The following RSRP1 variants were observed in gnomAD, a reference collection of about 807,000 sequenced individuals.
The protein encoded by RSRP1 is arginine and serine rich protein 1.
A neutral mutation model predicts 33.0 loss-of-function variants in RSRP1; 37 were observed. That is an observed-to-expected ratio of 1.12 (90% CI 0.86 to 1.48). The LOEUF is 1.48. Among genes scored for constraint, RSRP1 ranks in the 40% most tolerant of loss-of-function variants. The pLI is 0.00. For missense variants in RSRP1, 402 were observed against 385.3 expected (o/e 1.04, Z -0.36); for synonymous variants, 167 against 158.7 (o/e 1.05, Z -0.40).
At chr1:25,274,898 T>G (rs1283039187) in intron 1 of RSRP1, among the ~76,000 whole-genome samples, 1 of 130,780 alleles carries the variant, frequency 7.6e-6, no homozygotes, top group African/African-American at 2.6e-5. Flanking sequence ...TCCGAGCTAC[T>G]TGGGAGGCCA....
Position 25,284,677 on chromosome 1 carries a change from G to C in RSRP1, c.-66-37648C>G, listed in dbSNP as rs1219340100. On this transcript the variant is annotated intron_variant, in intron 1 of 1. Coordinates refer to the RSRP1 transcript ENST00000561867. ...TGTGGCCTTCAACCTCTTCATGCTGGCGCTTGGTGTGCAGTGGGCAATCCT... is the reference window on the plus strand; with the variant it reads ...TGTGGCCTTCAACCTCTTCATGCTGCCGCTTGGTGTGCAGTGGGCAATCCT... 6.5e-6 allele frequency: 9 copies of C among 1,388,932 alleles called. 1 individual carries two copies. Among genetic ancestry groups the C allele is most frequent in the Non-Finnish European group, 7.1e-6 (7 of 985,620 alleles). 86.0% of individuals were successfully genotyped at this position (1,388,932 alleles called of 1,614,324 possible).
At chr1:25,284,589 C>G in intron 1 of RSRP1, 1 of 1,389,306 alleles carries the variant, frequency 7.2e-7, no homozygotes, top group South Asian at 1.2e-5. Context: ...AAGATCTGAC[C>G]GTGATGGCGG....
Position 25,300,933 on chromosome 1 carries a change from G to A in RSRP1, c.-67+37045C>T. On this transcript the variant is annotated intron_variant, in intron 1 of 1. Transcript: ENST00000561867. Reference sequence around the variant, plus strand: ...ATGCCGACACTCACTGCTCTTACTGGGTTTTATTGCAGACAGACTACCACA... The same window carrying A: ...ATGCCGACACTCACTGCTCTTACTGAGTTTTATTGCAGACAGACTACCACA... 2 of 1,377,146 alleles carry A rather than the reference G, an allele frequency of 1.5e-6. 1 individual carries two copies. The highest frequency in any genetic ancestry group is 2.0e-6 in the Non-Finnish European group (2 of 977,470). The allele number at this position is 1,377,146 out of a possible 1,614,324, so 85.3% of individuals were successfully genotyped here. A position where few individuals can be genotyped will look rare whatever the true frequency, so the allele number is the denominator to read the frequency against.
chr1:25,292,908 G>A (rs978463109), intron 1 of RSRP1, among the ~76,000 whole-genome samples: 1 of 120,800 alleles, frequency 8.3e-6, no homozygotes, highest in Admixed American at 8.2e-5. Context: ...GCCAGCAAAG[G>A]AGACAGAATT....
chr1:25,298,069 T>C (rs1304301008), intron 1 of RSRP1, among the ~76,000 whole-genome samples: 2 of 122,338 alleles, frequency 1.6e-5, no homozygotes, highest in African/African-American at 5.5e-5. Context: ...TGCATTTCTA[T>C]GTCCCAGATC....
At chr1:25,262,314 T>A (rs1469722225) in intron 1 of RSRP1, among the ~76,000 whole-genome samples, 2 of 152,172 alleles carry the variant, frequency 1.3e-5, no homozygotes, top group African/African-American at 4.8e-5. Context: ...AGTGCCAACT[T>A]TGAGCCTAAG....
intron 1 of RSRP1, chr1:25,272,576 G>C (rs768456998): frequency 1.3e-6 from 2 of 1,583,350 alleles, no homozygotes; most frequent in East Asian, 4.5e-5. Flanking sequence ...CGGTCTGTCC[G>C]GCGCTGCCTG....
In RSRP1 at chr1:25,298,774, A is replaced by C. The variant is rs1170712759; in HGVS notation, c.-67+39204T>G. Among the ~76,000 whole-genome samples the C allele has an allele frequency of 1.5e-5, 2 of 131,590 alleles. 1 individual carries two copies. The highest frequency in any genetic ancestry group is 3.6e-5 in the Non-Finnish European group (2 of 55,930). 86.3% of individuals were successfully genotyped at this position (131,590 alleles called of 152,430 possible). A position where few individuals can be genotyped will look rare whatever the true frequency, so the allele number is the denominator to read the frequency against. On this transcript the variant is annotated intron_variant, in intron 1 of 1. Coordinates refer to the RSRP1 transcript ENST00000561867. ...TCATGGAACGTCTGTTCCAGAAGGA[A>C]AGACTGCCAATAAACAATAAAATAG...
intron 1 of RSRP1, chr1:25,330,436 T>C (rs1307693791): frequency 2.2e-5 from 3 of 133,492 alleles, no homozygotes; most frequent in Admixed American, 2.2e-4. Context: ...ATGAACAAGC[T>C]AACAAACTAC....
At position 25,316,680 on chromosome 1, in the gene RSRP1, G is replaced by C. The variant is rs545720494; in HGVS notation, c.-67+21298C>G. Among the ~76,000 whole-genome samples the C allele has an allele frequency of 1.9e-4, 24 of 125,616 alleles. 6 individuals are homozygous for C. The South Asian group carries it at 6.0e-3, about 31-fold the overall frequency. The allele number at this position is 125,616 out of a possible 152,430, so 82.4% of individuals were successfully genotyped here. ...GAGGCTCTGAGAGGTTGAGGGACTTGCCCAGGGTCTTGCAGCTAGTAAGTG... is the reference window on the plus strand; with the variant it reads ...GAGGCTCTGAGAGGTTGAGGGACTTCCCCAGGGTCTTGCAGCTAGTAAGTG... On this transcript the variant is annotated intron_variant, in intron 1 of 1. Transcript: ENST00000561867.
intron 1 of RSRP1, among the ~76,000 whole-genome samples, chr1:25,254,322 T>C (rs1361864524): frequency 6.6e-6 from 1 of 152,202 alleles, no homozygotes; most frequent in African/African-American, 2.4e-5. Flanking sequence ...ATTTAACACA[T>C]CTGTTCCCTG....
chr1:25,290,680 C>A, intron 1 of RSRP1: 1 of 1,378,454 alleles, frequency 7.3e-7, no homozygotes, highest in Non-Finnish European at 1.0e-6. Context: ...CGGTGCTGAT[C>A]TCAGTGGATG....
Position 25,296,074 on chromosome 1 carries a change from G to A in RSRP1, c.-67+41904C>T, listed in dbSNP as rs1642931528. Among the ~76,000 whole-genome samples the A allele has an allele frequency of 1.8e-5, 2 of 111,896 alleles. 1 individual carries two copies. Among genetic ancestry groups the A allele is most frequent in the Non-Finnish European group, 4.3e-5 (2 of 47,050 alleles). The allele number at this position is 111,896 out of a possible 152,430, so 73.4% of individuals were successfully genotyped here. The stretch of plus-strand genomic sequence containing the variant: ...GACGGAGTTTTGCCATGTTGGCCAG[G>A]CTGGTCTCAAACTCCTGACCTCAGG... On this transcript the variant is annotated intron_variant, in intron 1 of 1. Coordinates refer to the RSRP1 transcript ENST00000561867.
At chr1:25,328,878 TG>T (rs745442054) in intron 1 of RSRP1, 2 of 1,133,234 alleles carry the variant, frequency 1.8e-6, no homozygotes, top group Non-Finnish European at 2.6e-6. Flanking sequence ...GCAATAAAAA[TG>T]TTTGTTTTGC....
Position 25,300,810 on chromosome 1 carries a change from G to A in RSRP1, c.-67+37168C>T, listed in dbSNP as rs116374581. On this transcript the variant is annotated intron_variant, in intron 1 of 1. Transcript: ENST00000561867. ...GGCAGAGCCTGCTGGGTTGGGCTGG[G>A]TAAGCTCTGAACACCAGTCTCATGG... The A allele has an allele frequency of 3.1e-3, 3,180 of 1,021,852 alleles. 459 individuals carry two copies. The African/African-American group carries it at 0.043, about 14-fold the overall frequency. The allele number at this position is 1,021,852 out of a possible 1,614,324, so 63.3% of individuals were successfully genotyped here. A position where few individuals can be genotyped will look rare whatever the true frequency, so the allele number is the denominator to read the frequency against.
chr1:25,283,400 A>G (rs28438961), intron 1 of RSRP1, among the ~76,000 whole-genome samples: 1,851 of 130,244 alleles, frequency 0.014, 214 homozygotes, highest in African/African-American at 0.046. Flanking sequence ...GCACGGTGGC[A>G]GGCACCTGTA....
chr1:25,244,776 C>T, intron 3 of RSRP1: 1 of 1,029,810 alleles, frequency 9.7e-7, no homozygotes, highest in East Asian at 6.1e-5. Flanking sequence ...CCTTAGCATC[C>T]TAGGCTCAAA....
chr1:25,276,952 A>C lies in RSRP1; in HGVS notation c.-66-29923T>G, dbSNP rs1571575558. ...TGTGGTGGCGGGTGCCTGTAGTCCC[A>C]GCTACTTGGGAGGCTGAGGCAGGAG... On this transcript the variant is annotated intron_variant, in intron 1 of 1. Coordinates refer to the RSRP1 transcript ENST00000561867. 1.5e-5 allele frequency among the ~76,000 whole-genome samples: 2 copies of C among 131,302 alleles called. 1 individual carries two copies. Among genetic ancestry groups the C allele is most frequent in the South Asian group, 4.7e-4 (2 of 4,296 alleles). 86.1% of individuals were successfully genotyped at this position (131,302 alleles called of 152,430 possible). A position where few individuals can be genotyped will look rare whatever the true frequency, so the allele number is the denominator to read the frequency against.
At position 25,302,492 on chromosome 1, in the gene RSRP1, G is replaced by A. The variant is rs571987745; in HGVS notation, c.-67+35486C>T. Among the ~76,000 whole-genome samples, 11 of 129,880 alleles carry A rather than the reference G, an allele frequency of 8.5e-5. 1 individual carries two copies. In the South Asian group the frequency reaches 2.6e-3, roughly 31 times the overall value. The allele number at this position is 129,880 out of a possible 152,430, so 85.2% of individuals were successfully genotyped here. A position where few individuals can be genotyped will look rare whatever the true frequency, so the allele number is the denominator to read the frequency against. On this transcript the variant is annotated intron_variant, in intron 1 of 1. Coordinates refer to the RSRP1 transcript ENST00000561867. The stretch of plus-strand genomic sequence containing the variant: ...AGTGGCCATGAGTTCCATGGTGACA[G>A]AAAGTCTAAGACACCCAGCAAGGCA...
Sources: gnomAD v4.1 joint callset for allele counts (sites outside exome capture counted in the v4.1 genomes callset) on GRCh38, gnomAD v4.1.1 for gene constraint, MANE v1.5 for transcripts, NCBI Gene and HGNC (gene_info 2026-07-23, HGNC 2026-07-21) for gene names.